Variants in RABGAP1L observed in about 807,000 individuals in gnomAD.
RABGAP1L encodes the protein RAB GTPase activating protein 1 like, also known as rab GTPase-activating protein 1-like.
RABGAP1L carries 63 observed loss-of-function variants against 137.7 expected under a neutral mutation model. The observed-to-expected ratio is 0.46, with a 90% CI of 0.37 to 0.56. RABGAP1L has a LOEUF of 0.56. Among genes scored for constraint, RABGAP1L ranks in the 20% least tolerant of loss-of-function variants. The probability of loss-of-function intolerance (pLI) is 0.00; values close to 1 mark genes in which losing one functional copy is unlikely to be tolerated. For synonymous variants in RABGAP1L, 431 were observed against 433.7 expected (o/e 0.99, Z 0.08); for missense variants, 1,095 against 1,244.0 (o/e 0.88, Z 1.80).
At chr1:174,964,008 A>C (rs909553228) in intron 20 of RABGAP1L, among the ~76,000 whole-genome samples, 1 of 152,194 alleles carries the variant, frequency 6.6e-6, no homozygotes, top group African/African-American at 2.4e-5. Context: ...TTCCACTACA[A>C]AGATAAAATT....
intron 1 of RABGAP1L, among the ~76,000 whole-genome samples, chr1:174,162,784 T>G (rs1463719479): frequency 1.4e-5 from 1 of 71,176 alleles, no homozygotes; most frequent in Non-Finnish European, 2.8e-5. Context: ...TCTGTTTTTT[T>G]TTTTTTTTTT....
At chr1:174,623,544 A>G (rs940212185) in intron 13 of RABGAP1L, among the ~76,000 whole-genome samples, 2 of 152,190 alleles carry the variant, frequency 1.3e-5, no homozygotes, top group Non-Finnish European at 2.9e-5. Context: ...AGAAGCACCA[A>G]ATATGGAGCT....
intron 19 of RABGAP1L, among the ~76,000 whole-genome samples, chr1:174,863,242 A>AAAAAAAAAG (rs968791216): frequency 3.9e-5 from 5 of 129,116 alleles, no homozygotes; most frequent in East Asian, 4.1e-4. Context: ...GCAAAAAAAA[A>AAAAAAAAAG]AAAAAAGAAA....
At chr1:174,166,340 A>G (rs1189804502) in intron 1 of RABGAP1L, among the ~76,000 whole-genome samples, 4 of 152,198 alleles carry the variant, frequency 2.6e-5, no homozygotes, top group East Asian at 1.9e-4. Flanking sequence ...TGTGATTTCT[A>G]AATGACTGGA....
chr1:174,758,467 G>A (rs114516881), intron 18 of RABGAP1L, among the ~76,000 whole-genome samples: 3,389 of 151,218 alleles, frequency 0.022, 58 homozygotes, highest in Middle Eastern at 0.085. Flanking sequence ...CCCCTTCTGA[G>A]TCTCCAATGT....
intron 19 of RABGAP1L, chr1:174,921,989 G>A (rs1416054468): frequency 1.3e-5 from 2 of 152,028 alleles, no homozygotes; most frequent in African/African-American, 2.4e-5. Flanking sequence ...AAATCAATAT[G>A]GGGGATGCTG....
At chr1:174,518,791 C>G (rs530132817) in intron 13 of RABGAP1L, among the ~76,000 whole-genome samples, 1 of 152,144 alleles carries the variant, frequency 6.6e-6, no homozygotes, top group Non-Finnish European at 1.5e-5. Flanking sequence ...TGGCAGTAGC[C>G]TTCTTCACTT....
chr1:174,313,075 C>A (rs2148801394), intron 11 of RABGAP1L, among the ~76,000 whole-genome samples: 1 of 152,052 alleles, frequency 6.6e-6, no homozygotes, highest in South Asian at 2.1e-4. Flanking sequence ...CTACAGGTGC[C>A]CACCACCACG....
rs529800408 is a variant in RABGAP1L, at chr1:174,205,439, G to C, written c.-33-13686G>C. Among the ~76,000 whole-genome samples the C allele has an allele frequency of 2.0e-5, 3 of 151,984 alleles. No homozygotes were observed. The South Asian group carries it at 6.3e-4, about 32-fold the overall frequency. ...CCTGGGATTTTTTTGGTTGGTAGACGTTTTATTACTGATTCAATTTTGGAG... is the reference window on the plus strand; with the variant it reads ...CCTGGGATTTTTTTGGTTGGTAGACCTTTTATTACTGATTCAATTTTGGAG... On this transcript the variant is annotated intron_variant, in intron 1 of 25. Transcript: ENST00000681986.
intron 19 of RABGAP1L, among the ~76,000 whole-genome samples, chr1:174,947,615 C>G (rs1573963051): frequency 6.8e-6 from 1 of 147,598 alleles, no homozygotes; most frequent in Admixed American, 6.8e-5. Context: ...AGATGGGGTT[C>G]CACCATGTTG....
At chr1:174,790,549 G>C (rs1346274739) in intron 18 of RABGAP1L, among the ~76,000 whole-genome samples, 1 of 151,248 alleles carries the variant, frequency 6.6e-6, no homozygotes, top group Non-Finnish European at 1.5e-5. Flanking sequence ...CAGGAGAATC[G>C]CTTGAACCCA....
At chr1:174,871,624 T>C (rs146071791) in intron 19 of RABGAP1L, among the ~76,000 whole-genome samples, 114 of 152,266 alleles carry the variant, frequency 7.5e-4, no homozygotes, top group Admixed American at 1.4e-3. Context: ...TTGAGAGAAA[T>C]GGGCACTTGC....
intron 17 of RABGAP1L, among the ~76,000 whole-genome samples, chr1:174,719,518 A>C (rs1288798310): frequency 1.3e-5 from 2 of 152,130 alleles, no homozygotes; most frequent in Non-Finnish European, 2.9e-5. Context: ...TTTGGATAAA[A>C]CCCTTGAAAA....
intron 15 of RABGAP1L, among the ~76,000 whole-genome samples, chr1:174,698,201 T>G (rs1318781996): frequency 6.6e-6 from 1 of 152,242 alleles, no homozygotes; most frequent in Admixed American, 6.5e-5. Flanking sequence ...CCTAGGACAT[T>G]GAATAAGTAC....
intron 4 of RABGAP1L, among the ~76,000 whole-genome samples, chr1:174,231,910 T>C (rs115349953): frequency 0.024 from 3,589 of 152,218 alleles, 138 homozygotes; most frequent in African/African-American, 0.082. Context: ...ACCTCCAACA[T>C]TGGAGATTAC....
At chr1:174,774,177 C>A (rs1463333609) in intron 18 of RABGAP1L, among the ~76,000 whole-genome samples, 2 of 152,194 alleles carry the variant, frequency 1.3e-5, no homozygotes, top group African/African-American at 4.8e-5. Flanking sequence ...CTAAAACGCC[C>A]ATAGCCTTGA....
chr1:174,641,723 C>G (rs1674542078), intron 14 of RABGAP1L, among the ~76,000 whole-genome samples: 1 of 152,080 alleles, frequency 6.6e-6, no homozygotes. Flanking sequence ...GGTTTTGATT[C>G]TTTCACTAAG....
At chr1:174,598,078 C>G (rs1225352221) in intron 13 of RABGAP1L, among the ~76,000 whole-genome samples, 2 of 152,034 alleles carry the variant, frequency 1.3e-5, no homozygotes, top group Non-Finnish European at 2.9e-5. Context: ...CGGCTGTAAT[C>G]CCAGAACTTT....
At chr1:174,305,171 C>CTTT (rs1678087096) in intron 11 of RABGAP1L, 44 bp downstream of exon 11, 1 of 1,464,720 alleles carries the variant, frequency 6.8e-7, no homozygotes, top group African/African-American at 1.5e-5. Context: ...TGTATAGCTG[C>CTTT]TTTACTTACA....
Sources: allele counts gnomAD v4.1 joint callset (sites outside exome capture counted in the v4.1 genomes callset), GRCh38; gene constraint gnomAD v4.1.1; transcripts MANE v1.5; gene names NCBI Gene and HGNC (gene_info 2026-07-23, HGNC 2026-07-21).